Variants in RSU1 observed in about 807,000 individuals in gnomAD.
RSU1 encodes the protein Ras suppressor protein 1.
Under a neutral mutation model 31.1 loss-of-function variants are expected in RSU1, and 26 were observed. The ratio of observed to expected loss-of-function variants is 0.84; its 90% CI spans 0.61 to 1.16. RSU1 has a LOEUF of 1.16. RSU1 is among the 50% of genes most tolerant of loss of function. The pLI, the probability that RSU1 is intolerant of heterozygous loss-of-function variation, is 0.00. For synonymous variants in RSU1, 164 were observed against 136.3 expected, an observed-to-expected ratio of 1.20 and a Z score of -1.41; for missense variants, 320 against 339.1, an observed-to-expected ratio of 0.94 and a Z score of 0.44.
chr10:16,708,890 A>G (rs1053596758), intron 7 of RSU1, among the ~76,000 whole-genome samples: 14 of 151,810 alleles, frequency 9.2e-5, no homozygotes, highest in Admixed American at 3.9e-4. Context: ...ACCAATATTA[A>G]TAATGGTTAA....
chr10:16,662,207 T>A (rs1296222982), intron 8 of RSU1, among the ~76,000 whole-genome samples: 2 of 152,240 alleles, frequency 1.3e-5, no homozygotes, highest in African/African-American at 4.8e-5. Flanking sequence ...ACACAATACA[T>A]TGATCAGATT....
At chr10:16,725,111 T>A (rs569343190) in intron 7 of RSU1, among the ~76,000 whole-genome samples, 1 of 152,374 alleles carries the variant, frequency 6.6e-6, no homozygotes, top group East Asian at 1.9e-4. Flanking sequence ...AGTTTTGGCA[T>A]GTTGATCATT....
intron 8 of RSU1, among the ~76,000 whole-genome samples, chr10:16,597,696 T>G (rs1833642573): frequency 6.6e-6 from 1 of 152,370 alleles, no homozygotes; most frequent in Admixed American, 6.5e-5. Flanking sequence ...ATTACCTTCC[T>G]TCTTTAGGGC....
intron 7 of RSU1, among the ~76,000 whole-genome samples, chr10:16,713,019 C>A (rs1191408914): frequency 6.6e-6 from 1 of 152,184 alleles, no homozygotes; most frequent in Non-Finnish European, 1.5e-5. Context: ...CTTCTTTCAG[C>A]ACTTTGAATA....
chr10:16,744,574 T>C (rs2131613265), intron 7 of RSU1, among the ~76,000 whole-genome samples: 1 of 152,274 alleles, frequency 6.6e-6, no homozygotes, highest in South Asian at 2.1e-4. Context: ...CAACACTTAC[T>C]AGGAACAAGT....
rs371161953 is a variant in RSU1 at position 16,645,927 on chromosome 10, TACAC to T, written c.731+49092_731+49095del. 1.4e-4 allele frequency among the ~76,000 whole-genome samples: 3 copies of T among 21,952 alleles called. 1 individual carries two copies. Among genetic ancestry groups the T allele is most frequent in the South Asian group, 4.8e-3 (2 of 416 alleles). 14.4% of individuals were successfully genotyped at this position (21,952 alleles called of 152,430 possible). On this transcript the variant is annotated intron_variant, in intron 8 of 8. Transcript: ENST00000345264. ...ACATATATGTATATATATGTGTATATACACATATGTGTATATATATGTGTATATA... is the reference window on the plus strand; with the variant it reads ...ACATATATGTATATATATGTGTATATATATGTGTATATATATGTGTATATA...
chr10:16,696,496 C>T (rs1285473050), intron 7 of RSU1, among the ~76,000 whole-genome samples: 5 of 152,094 alleles, frequency 3.3e-5, no homozygotes, highest in South Asian at 2.1e-4. Flanking sequence ...AAAAGAAAAA[C>T]GACTACAATT....
intron 4 of RSU1, among the ~76,000 whole-genome samples, chr10:16,763,999 C>G (rs943742130): frequency 1.3e-5 from 2 of 151,992 alleles, no homozygotes; most frequent in Non-Finnish European, 2.9e-5. Context: ...CTCCACGGCA[C>G]GAAGGTGCTT....
chr10:16,732,396 G>A (rs550733387), intron 7 of RSU1, among the ~76,000 whole-genome samples: 1 of 152,290 alleles, frequency 6.6e-6, no homozygotes, highest in East Asian at 1.9e-4. Flanking sequence ...TAGGTCATGA[G>A]AGTGGAGCCC....
At chr10:16,686,922 G>A (rs1416149454) in intron 8 of RSU1, among the ~76,000 whole-genome samples, 1 of 152,090 alleles carries the variant, frequency 6.6e-6, no homozygotes, top group Admixed American at 6.5e-5. Context: ...ACTAGTCATT[G>A]AATAAAATGC....
intron 8 of RSU1, among the ~76,000 whole-genome samples, chr10:16,599,149 G>A (rs1481475570): frequency 2.0e-5 from 3 of 152,192 alleles, no homozygotes; most frequent in Non-Finnish European, 4.4e-5. Context: ...TGACTACAGA[G>A]GACAGAACAG....
At chr10:16,651,631 C>T (rs1834685457) in intron 8 of RSU1, among the ~76,000 whole-genome samples, 1 of 152,142 alleles carries the variant, frequency 6.6e-6, no homozygotes. Context: ...GTAGAACAAA[C>T]ACACTTTGCA....
Position 16,646,424 on chromosome 10 carries a change from A to G in RSU1, c.731+48599T>C, listed in dbSNP as rs553471300. Among the ~76,000 whole-genome samples the G allele has an allele frequency of 1.7e-3, 266 of 152,200 alleles. 1 individual carries two copies. The highest frequency in any genetic ancestry group is 0.014 in the Middle Eastern group (4 of 294). The stretch of plus-strand genomic sequence containing the variant: ...TCCTTCTTGGTTCAATGACTGAAAC[A>G]TCATTGTTTACAGATGAACCATCAC... On this transcript the variant is annotated intron_variant, in intron 8 of 8. Transcript: ENST00000345264.
intron 7 of RSU1, among the ~76,000 whole-genome samples, chr10:16,704,377 G>A (rs551141930): frequency 6.6e-6 from 1 of 152,290 alleles, no homozygotes; most frequent in East Asian, 1.9e-4. Flanking sequence ...TTAAGAAGCA[G>A]CAACTACCAT....
chr10:16,787,382 C>T lies in RSU1; in HGVS notation c.110-5298G>A, dbSNP rs185689670. Among the ~76,000 whole-genome samples, 6 of 152,252 alleles carry T rather than the reference C, an allele frequency of 3.9e-5. No homozygotes were observed. In the East Asian group the frequency reaches 9.7e-4, roughly 25 times the overall value. ...AAACTCCATGCCAGGCCACCTCCAC[C>T]AGGACGCCCTCCTCACTCTGCCTGG... On this transcript the variant is annotated intron_variant, in intron 2 of 8. Transcript: ENST00000345264.
intron 8 of RSU1, among the ~76,000 whole-genome samples, chr10:16,636,848 C>T (rs539130890): frequency 1.3e-5 from 2 of 152,280 alleles, no homozygotes; most frequent in African/African-American, 4.8e-5. Context: ...ATCTCCTTCC[C>T]TCACATCCCC....
intron 7 of RSU1, among the ~76,000 whole-genome samples, chr10:16,716,687 A>G (rs1179056900): frequency 6.6e-6 from 1 of 152,166 alleles, no homozygotes; most frequent in African/African-American, 2.4e-5. Flanking sequence ...TATTGATAAC[A>G]TTACTTAGAA....
chr10:16,596,420 C>CA (rs1224638033), intron 8 of RSU1, among the ~76,000 whole-genome samples: 1 of 152,188 alleles, frequency 6.6e-6, no homozygotes, highest in African/African-American at 2.4e-5. Flanking sequence ...CCTCTAACAG[C>CA]ACCTGCCCTT....
At position 16,667,633 on chromosome 10, in the gene RSU1, G is replaced by A. The variant is rs375754068; in HGVS notation, c.731+27390C>T. On this transcript the variant is annotated intron_variant, in intron 8 of 8. Coordinates refer to ENST00000345264, the MANE Select transcript of RSU1 (RefSeq NM_012425.4). ...CTCCCAAGTAGCTGGGATTACAGGC[G>A]TGCACCACCACACCGGGCTAAGTTT... 1.3e-4 allele frequency among the ~76,000 whole-genome samples: 20 copies of A among 152,046 alleles called. No homozygotes were observed. In the East Asian group the frequency reaches 2.7e-3, roughly 21 times the overall value.
Sources: gnomAD v4.1 joint callset for allele counts (sites outside exome capture counted in the v4.1 genomes callset) on GRCh38, gnomAD v4.1.1 for gene constraint, MANE v1.5 for transcripts, NCBI Gene and HGNC (gene_info 2026-07-23, HGNC 2026-07-21) for gene names.